The following EPB41L5 variants were observed in gnomAD, a reference collection of about 807,000 sequenced individuals.
The protein encoded by EPB41L5 is band 4.1-like protein 5.
In EPB41L5, 55 loss-of-function variants were observed where a neutral mutation model predicts 106.6. The observed-to-expected ratio is 0.52, with a 90% CI of 0.42 to 0.65. The LOEUF is 0.65. EPB41L5 is among the 30% of genes least tolerant of loss of function. EPB41L5 has a pLI of 0.00. For synonymous variants in EPB41L5, 297 were observed against 306.7 expected (o/e 0.97, Z 0.33); for missense variants, 871 against 882.1 (o/e 0.99, Z 0.16).
intron 3 of EPB41L5, among the ~76,000 whole-genome samples, chr2:120,057,090 C>T (rs1680708816): frequency 6.6e-6 from 1 of 152,050 alleles, no homozygotes; most frequent in African/African-American, 2.4e-5. Context: ...GATGGGGGCT[C>T]ACCATGTTGC....
intron 3 of EPB41L5, among the ~76,000 whole-genome samples, chr2:120,072,869 G>T (rs911789572): frequency 6.6e-6 from 1 of 151,646 alleles, no homozygotes; most frequent in African/African-American, 2.4e-5. Flanking sequence ...ACCATGGCAT[G>T]TGTATACTTA....
At chr2:120,044,997 TAAAC>T (rs1013366550) in intron 3 of EPB41L5, among the ~76,000 whole-genome samples, 2 of 152,208 alleles carry the variant, frequency 1.3e-5, no homozygotes, top group African/African-American at 4.8e-5. Flanking sequence ...TCTCATGACA[TAAAC>T]AATCAGCTTG....
At chr2:120,027,701 C>T (rs1299622366) in intron 2 of EPB41L5, among the ~76,000 whole-genome samples, 1 of 152,068 alleles carries the variant, frequency 6.6e-6, no homozygotes, top group Non-Finnish European at 1.5e-5. Flanking sequence ...TGCCACGGTG[C>T]CTGGCTTAGG....
At position 120,167,489 on chromosome 2, in the gene EPB41L5, A is replaced by G; in HGVS notation, c.1986A>G (p.Thr662=). The G allele has an allele frequency of 6.2e-7, 1 of 1,613,848 alleles. No individual in the cohort carries two copies. Among genetic ancestry groups the G allele is most frequent in the Non-Finnish European group, 8.5e-7 (1 of 1,179,828 alleles). Residue 662 remains threonine, a synonymous_variant, in exon 23 of 25, where the codon ACA becomes ACG. Transcript: ENST00000263713. Reference sequence around the variant, plus strand: ...AGGTGTCTTCCACATCCATGATCACACCCCGGTGGATTGTTCCGGTAAGTT... The same window carrying G: ...AGGTGTCTTCCACATCCATGATCACGCCCCGGTGGATTGTTCCGGTAAGTT... ...APQVSSTSMI[T]PRWIVPQSGA... is the part of the protein sequence containing the mutation.
At chr2:120,042,568 G>A (rs1398143643) in intron 3 of EPB41L5, among the ~76,000 whole-genome samples, 1 of 152,054 alleles carries the variant, frequency 6.6e-6, no homozygotes, top group Non-Finnish European at 1.5e-5. Flanking sequence ...GTGGTACTTC[G>A]ACATGCATTT....
At chr2:120,170,905 G>A (rs1021204132) in intron 24 of EPB41L5, among the ~76,000 whole-genome samples, 2 of 152,112 alleles carry the variant, frequency 1.3e-5, no homozygotes, top group African/African-American at 4.8e-5. Flanking sequence ...GTAGTGTTCC[G>A]TTTCATATTC....
At chr2:120,024,982 C>T (rs1018918908) in intron 2 of EPB41L5, among the ~76,000 whole-genome samples, 2 of 152,178 alleles carry the variant, frequency 1.3e-5, no homozygotes, top group Non-Finnish European at 2.9e-5. Flanking sequence ...TGTTTTATCT[C>T]TGCCAAGTTT....
At chr2:120,043,574 TA>T (rs35808920) in intron 3 of EPB41L5, among the ~76,000 whole-genome samples, 93,486 of 147,418 alleles carry the variant, frequency 0.63, 30,753 homozygotes, top group Middle Eastern at 0.75. Context: ...GATTTTTATT[TA>T]AAAAAAAAAA....
intron 3 of EPB41L5, among the ~76,000 whole-genome samples, chr2:120,050,709 G>A (rs2678343): frequency 0.25 from 37,475 of 152,132 alleles, 4,897 homozygotes; most frequent in South Asian, 0.35. Flanking sequence ...GAGGAGCTGC[G>A]TTCCTTTGGA....
At chr2:120,060,917 A>G (rs572448282) in intron 3 of EPB41L5, among the ~76,000 whole-genome samples, 1 of 152,284 alleles carries the variant, frequency 6.6e-6, no homozygotes, top group African/African-American at 2.4e-5. Flanking sequence ...CATAGCATGG[A>G]ACAAGCAAAC....
At chr2:120,068,199 C>G (rs1327593318) in intron 3 of EPB41L5, among the ~76,000 whole-genome samples, 1 of 152,230 alleles carries the variant, frequency 6.6e-6, no homozygotes, top group African/African-American at 2.4e-5. Flanking sequence ...CCTCCCCTAG[C>G]CAAGAGAAGC....
intron 16 of EPB41L5, chr2:120,105,231 A>G: frequency 1.0e-6 from 1 of 983,608 alleles, no homozygotes; most frequent in Non-Finnish European, 1.2e-6. Flanking sequence ...CTGATAGGAA[A>G]ACATGTTAAG....
At chr2:120,110,250 G>A (rs769481967) in intron 16 of EPB41L5, among the ~76,000 whole-genome samples, 3 of 152,096 alleles carry the variant, frequency 2.0e-5, no homozygotes, top group Non-Finnish European at 4.4e-5. Flanking sequence ...ATTTTTTATT[G>A]TCTTCTAACC....
rs1292728482 is a variant in EPB41L5 at position 120,073,195 on chromosome 2, A to G, written c.303A>G (p.Thr101=). 2 of 1,609,420 alleles carry G rather than the reference A, an allele frequency of 1.2e-6. No individual in the cohort carries two copies. Among genetic ancestry groups the G allele is most frequent in the Non-Finnish European group, 1.7e-6 (2 of 1,178,960 alleles). ...TTTTTCAGCATTGGTTGGATGGTACAAAAAGCATCAAAAAGCAAGTAAAAA... is the reference window on the plus strand; with the variant it reads ...TTTTTCAGCATTGGTTGGATGGTACGAAAAGCATCAAAAAGCAAGTAAAAA... ...SAQVAHWLDG[T]KSIKKQVKIG... Residue 101 remains threonine, a synonymous_variant, in exon 4 of 25, where the codon ACA becomes ACG. Coordinates refer to ENST00000263713, the MANE Select transcript of EPB41L5 (RefSeq NM_020909.4).
At chr2:120,109,196 T>C (rs1164605054) in intron 16 of EPB41L5, among the ~76,000 whole-genome samples, 1 of 152,202 alleles carries the variant, frequency 6.6e-6, no homozygotes, top group Non-Finnish European at 1.5e-5. Flanking sequence ...ATACTCTGCA[T>C]ATAGCTGGTG....
intron 14 of EPB41L5, 132 bp downstream of exon 14, chr2:120,093,408 A>C: frequency 1.3e-6 from 1 of 767,758 alleles, no homozygotes; most frequent in East Asian, 2.5e-5. Flanking sequence ...GTCAGGGAAT[A>C]AATGAACATG....
intron 3 of EPB41L5, among the ~76,000 whole-genome samples, chr2:120,069,167 A>AAAAAAG (rs1681679932): frequency 1.5e-5 from 2 of 135,400 alleles, no homozygotes; most frequent in African/African-American, 2.8e-5. Flanking sequence ...AAAAAAAAAA[A>AAAAAAG]GCAGGGGTTG....
At chr2:120,164,692 A>G (rs983989248) in intron 21 of EPB41L5, 144 bp from the exon 22 acceptor site, 1 of 546,734 alleles carries the variant, frequency 1.8e-6, no homozygotes, top group Non-Finnish European at 3.3e-6. Flanking sequence ...ATTAACAACC[A>G]TGATTTATGA....
At chr2:120,168,087 C>T in intron 24 of EPB41L5, 80 bp downstream of exon 24, 1 of 1,461,500 alleles carries the variant, frequency 6.8e-7, no homozygotes, top group East Asian at 2.4e-5. Flanking sequence ...ATCTCTAAAG[C>T]AGCAATGTCA....
Sources: allele counts gnomAD v4.1 joint callset (sites outside exome capture counted in the v4.1 genomes callset), GRCh38; gene constraint gnomAD v4.1.1; transcripts MANE v1.5; gene names NCBI Gene and HGNC (gene_info 2026-07-23, HGNC 2026-07-21).